NRF1: variants seen among roughly 807,000 people sequenced by gnomAD.
NRF1 encodes the protein nuclear respiratory factor 1.
Under a neutral mutation model 58.5 loss-of-function variants are expected in NRF1, and 5 were observed. The observed-to-expected ratio is 0.09, with a 90% CI of 0.04 to 0.18. The LOEUF (loss-of-function observed/expected upper bound fraction) is 0.18, where lower values mean the gene tolerates loss of function less well. Among genes scored for constraint, NRF1 ranks in the 10% least tolerant of loss-of-function variants. The pLI is 1.00. For missense variants in NRF1, 288 were observed against 657.7 expected (o/e 0.44, Z 6.15); for synonymous variants, 224 against 246.7 (o/e 0.91, Z 0.86).
At chr7:129,613,450 A>G (rs1170229461) in intron 1 of NRF1, among the ~76,000 whole-genome samples, 2 of 152,232 alleles carry the variant, frequency 1.3e-5, no homozygotes, top group African/African-American at 4.8e-5. Flanking sequence ...GAAAGCAGAC[A>G]TAATTATCAC....
intron 1 of NRF1, among the ~76,000 whole-genome samples, chr7:129,650,571 A>G (rs1014028355): frequency 1.3e-5 from 2 of 152,176 alleles, no homozygotes; most frequent in African/African-American, 4.8e-5. Context: ...GAGACTAGTC[A>G]AGTAATGAGT....
chr7:129,731,909 G>A (rs13246612), intron 10 of NRF1, among the ~76,000 whole-genome samples: 45,911 of 151,972 alleles, frequency 0.3, 6,983 homozygotes, highest in Admixed American at 0.38. Context: ...CACTACACCC[G>A]GCCCTTTACT....
intron 5 of NRF1, among the ~76,000 whole-genome samples, chr7:129,690,876 C>T (rs1017288465): frequency 6.6e-6 from 1 of 151,972 alleles, no homozygotes; most frequent in African/African-American, 2.4e-5. Flanking sequence ...TTTAATGAAT[C>T]ACAGTCAAGG....
chr7:129,735,203 T>A, intron 10 of NRF1: 1 of 985,422 alleles, frequency 1.0e-6, no homozygotes, highest in East Asian at 1.1e-4. Flanking sequence ...CCTCCTCATG[T>A]TCTGAATGAA....
At chr7:129,682,623 A>G (rs1344014202) in intron 4 of NRF1, among the ~76,000 whole-genome samples, 1 of 148,162 alleles carries the variant, frequency 6.7e-6, no homozygotes, top group Non-Finnish European at 1.5e-5. Flanking sequence ...GTCTCTGCAA[A>G]AAAATGTAAA....
At chr7:129,693,590 T>A (rs556064485) in intron 5 of NRF1, among the ~76,000 whole-genome samples, 11 of 152,306 alleles carry the variant, frequency 7.2e-5, no homozygotes, top group Admixed American at 1.3e-4. Context: ...TAGTGTATTT[T>A]ATGTGTGGCC....
At chr7:129,730,974 C>T (rs1350482381) in intron 10 of NRF1, among the ~76,000 whole-genome samples, 2 of 146,150 alleles carry the variant, frequency 1.4e-5, no homozygotes, top group African/African-American at 2.6e-5. Flanking sequence ...AAGACCCTGT[C>T]TCAAAAAAAA....
At chr7:129,715,756 G>A (rs1803172140) in intron 8 of NRF1, among the ~76,000 whole-genome samples, 1 of 152,176 alleles carries the variant, frequency 6.6e-6, no homozygotes, top group African/African-American at 2.4e-5. Flanking sequence ...ATGCTTCCCA[G>A]CACTTTGGGA....
chr7:129,644,796 A>G (rs985410123), intron 1 of NRF1, among the ~76,000 whole-genome samples: 1 of 152,188 alleles, frequency 6.6e-6, no homozygotes, highest in African/African-American at 2.4e-5. Context: ...TGCTGTCTTT[A>G]CATTTTTTCC....
intron 8 of NRF1, among the ~76,000 whole-genome samples, chr7:129,714,211 CTG>C (rs1803138393): frequency 6.6e-6 from 1 of 152,246 alleles, no homozygotes; most frequent in Non-Finnish European, 1.5e-5. Flanking sequence ...TCACCGTTTA[CTG>C]TCATTCCATG....
At chr7:129,726,292 T>A (rs1410864227) in intron 9 of NRF1, among the ~76,000 whole-genome samples, 1 of 152,234 alleles carries the variant, frequency 6.6e-6, no homozygotes, top group Admixed American at 6.5e-5. Context: ...GAAATTTGGA[T>A]GGCAAATTAT....
intron 1 of NRF1, among the ~76,000 whole-genome samples, chr7:129,635,568 A>G (rs564908910): frequency 1.7e-4 from 26 of 152,220 alleles, no homozygotes; most frequent in East Asian, 3.9e-4. Context: ...ACTGTATCCA[A>G]TCTTATCTGG....
At chr7:129,737,718 T>C (rs565588857) in intron 10 of NRF1, among the ~76,000 whole-genome samples, 1 of 152,368 alleles carries the variant, frequency 6.6e-6, no homozygotes, top group Non-Finnish European at 1.5e-5. Flanking sequence ...CAGTGTGTAC[T>C]AAATCACTTT....
chr7:129,694,158 A>G (rs1802633075), intron 5 of NRF1, among the ~76,000 whole-genome samples: 1 of 152,204 alleles, frequency 6.6e-6, no homozygotes, highest in Admixed American at 6.5e-5. Flanking sequence ...ACCAAAGATG[A>G]TGACTAAAAA....
chr7:129,650,713 G>A (rs975740741), intron 1 of NRF1, among the ~76,000 whole-genome samples: 6 of 151,662 alleles, frequency 4.0e-5, no homozygotes, highest in African/African-American at 1.5e-4. Context: ...ATCCTTTTGC[G>A]AATAGGTAGT....
At chr7:129,711,759 T>G (rs1803079687) in intron 8 of NRF1, among the ~76,000 whole-genome samples, 183 bp downstream of exon 8, 1 of 152,222 alleles carries the variant, frequency 6.6e-6, no homozygotes, top group Non-Finnish European at 1.5e-5. Flanking sequence ...ATTGTAACAA[T>G]TAAGATTCAT....
At chr7:129,691,723 A>G (rs1350540717) in intron 5 of NRF1, among the ~76,000 whole-genome samples, 1 of 151,878 alleles carries the variant, frequency 6.6e-6, no homozygotes. Context: ...TCCTTATCTT[A>G]TTCAGTCTTC....
In NRF1 at chr7:129,752,662, G is replaced by A. The variant is rs116286307; in HGVS notation, c.1349-2356G>A. Among the ~76,000 whole-genome samples the A allele has an allele frequency of 8.8e-3, 1,333 of 151,732 alleles. 21 individuals carry two copies. Among genetic ancestry groups the A allele is most frequent in the African/African-American group, 0.031 (1,267 of 41,348 alleles). ...AGCTCAGGAGTTCAAGACCAACCTG[G>A]GCAACATAGTGAGACCTCGTCACTA... On this transcript the variant is annotated intron_variant, in intron 10 of 10. Coordinates refer to ENST00000393232, the MANE Select transcript of NRF1 (RefSeq NM_005011.5).
chr7:129,637,983 T>A (rs1242416355), intron 1 of NRF1, among the ~76,000 whole-genome samples: 1 of 152,182 alleles, frequency 6.6e-6, no homozygotes, highest in Non-Finnish European at 1.5e-5. Flanking sequence ...TGGACACCTC[T>A]GCTTTAAGGC....
Sources: allele counts gnomAD v4.1 joint callset (sites outside exome capture counted in the v4.1 genomes callset), GRCh38; gene constraint gnomAD v4.1.1; transcripts MANE v1.5; gene names NCBI Gene and HGNC (gene_info 2026-07-23, HGNC 2026-07-21).